Variants in ARHGAP15 observed in about 807,000 individuals in gnomAD.
ARHGAP15 encodes rho GTPase-activating protein 15.
Under a neutral mutation model 63.7 loss-of-function variants are expected in ARHGAP15, and 51 were observed. The ratio of observed to expected loss-of-function variants is 0.80; its 90% CI spans 0.64 to 1.01. ARHGAP15 has a LOEUF of 1.01. Among genes scored for constraint, ARHGAP15 ranks in the 50% least tolerant of loss-of-function variants. The probability of loss-of-function intolerance (pLI) is 0.00; values close to 1 mark genes in which losing one functional copy is unlikely to be tolerated. For missense variants in ARHGAP15, 560 were observed against 564.6 expected (o/e 0.99, Z 0.08); for synonymous variants, 191 against 193.8 (o/e 0.99, Z 0.12).
At chr2:143,599,850 A>G (rs552895614) in intron 11 of ARHGAP15, among the ~76,000 whole-genome samples, 1 of 152,262 alleles carries the variant, frequency 6.6e-6, no homozygotes, top group South Asian at 2.1e-4. Flanking sequence ...ATGAGTTTTA[A>G]ATGGCTAAAT....
intron 1 of ARHGAP15, among the ~76,000 whole-genome samples, chr2:143,151,956 A>C (rs765005423): frequency 5.3e-5 from 8 of 152,040 alleles, no homozygotes; most frequent in Non-Finnish European, 1.2e-4. Flanking sequence ...TCCATCCTCA[A>C]CTGTCCTCCT....
chr2:143,336,404 AAT>A (rs1390977450), intron 6 of ARHGAP15, among the ~76,000 whole-genome samples: 1 of 152,162 alleles, frequency 6.6e-6, no homozygotes, highest in African/African-American at 2.4e-5. Context: ...CCAGTTTAGA[AAT>A]AGTTTGGGGA....
chr2:143,680,327 A>G (rs2105369659), intron 12 of ARHGAP15, among the ~76,000 whole-genome samples: 1 of 152,376 alleles, frequency 6.6e-6, no homozygotes, highest in East Asian at 1.9e-4. Context: ...TAGCAATTTT[A>G]TACAATAATG....
intron 9 of ARHGAP15, among the ~76,000 whole-genome samples, chr2:143,515,114 G>A (rs957287837): frequency 1.5e-5 from 2 of 136,416 alleles, no homozygotes; most frequent in East Asian, 2.3e-4. Flanking sequence ...TCTGGTCTTC[G>A]TAACATCTTT....
At chr2:143,343,554 T>C (rs1685150060) in intron 6 of ARHGAP15, among the ~76,000 whole-genome samples, 1 of 152,130 alleles carries the variant, frequency 6.6e-6, no homozygotes, top group South Asian at 2.1e-4. Flanking sequence ...CCTTGAAAGA[T>C]CACTGTGTTG....
At chr2:143,171,660 A>T (rs183509028) in intron 2 of ARHGAP15, among the ~76,000 whole-genome samples, 1 of 152,250 alleles carries the variant, frequency 6.6e-6, no homozygotes, top group Non-Finnish European at 1.5e-5. Context: ...TTTGATAAAG[A>T]ATAATGCTTA....
In ARHGAP15 at chr2:143,500,519, G is replaced by C. The variant is rs529504082; in HGVS notation, c.826+13024G>C. On this transcript the variant is annotated intron_variant, in intron 9 of 13. Transcript: ENST00000295095. ...TTTGACAGTAACATTAGTGAATAGT[G>C]ATATGTATGTTCAGATGTAAGAAAA... 1.6e-4 allele frequency among the ~76,000 whole-genome samples: 25 copies of C among 152,240 alleles called. No individual in the cohort carries two copies. In the South Asian group the frequency reaches 2.7e-3, roughly 16 times the overall value.
chr2:143,224,368 A>G (rs955850699), intron 4 of ARHGAP15, among the ~76,000 whole-genome samples: 3 of 152,134 alleles, frequency 2.0e-5, no homozygotes, highest in African/African-American at 7.2e-5. Context: ...TTTTTTCTGA[A>G]ATTTGAAAGG....
At chr2:143,137,491 T>C (rs192354307) in intron 1 of ARHGAP15, among the ~76,000 whole-genome samples, 5 of 152,112 alleles carry the variant, frequency 3.3e-5, no homozygotes, top group African/African-American at 9.6e-5. Flanking sequence ...ATGTACTATA[T>C]ATATGGTACA....
chr2:143,529,179 T>A (rs1247263503), intron 10 of ARHGAP15, among the ~76,000 whole-genome samples: 5 of 152,162 alleles, frequency 3.3e-5, no homozygotes, highest in South Asian at 2.1e-4. Context: ...ATTTTATTTC[T>A]TAACTCAGCC....
At chr2:143,429,922 C>A (rs769822636) in intron 6 of ARHGAP15, among the ~76,000 whole-genome samples, 5 of 152,096 alleles carry the variant, frequency 3.3e-5, no homozygotes, top group Non-Finnish European at 5.9e-5. Flanking sequence ...TACTGCTCCC[C>A]AAAGCTGAGA....
chr2:143,407,987 G>GTATATATA (rs58194704), intron 6 of ARHGAP15, among the ~76,000 whole-genome samples: 112 of 77,340 alleles, frequency 1.4e-3, no homozygotes, highest in African/African-American at 2.6e-3. Context: ...TTCTGTGTGT[G>GTATATATA]TATATATATA....
At position 143,555,817 on chromosome 2, in the gene ARHGAP15, AATCAG is replaced by A. The variant is rs1695763114; in HGVS notation, c.926-586_926-582del. 3.9e-5 allele frequency among the ~76,000 whole-genome samples: 6 copies of A among 151,946 alleles called. No homozygotes were observed. In the Admixed American group the frequency reaches 4.0e-4, roughly 10 times the overall value. On this transcript the variant is annotated intron_variant, in intron 10 of 13. Coordinates refer to ENST00000295095, the MANE Select transcript of ARHGAP15 (RefSeq NM_018460.4). ...GAATTTTTACTCTTTAGTTTCAAATAATCAGATCAAAATATGTTATTCTGTAACAA... is the reference window on the plus strand; with the variant it reads ...GAATTTTTACTCTTTAGTTTCAAATAATCAAAATATGTTATTCTGTAACAA...
chr2:143,680,776 T>C (rs1381280450), intron 12 of ARHGAP15, among the ~76,000 whole-genome samples: 3 of 152,172 alleles, frequency 2.0e-5, no homozygotes, highest in African/African-American at 7.2e-5. Flanking sequence ...CACTAGTCAG[T>C]ATATATTTAC....
intron 12 of ARHGAP15, among the ~76,000 whole-genome samples, chr2:143,681,904 A>G (rs923256279): frequency 3.3e-5 from 5 of 152,196 alleles, no homozygotes; most frequent in African/African-American, 1.2e-4. Flanking sequence ...CAGCTACAGG[A>G]CCACCATTTT....
chr2:143,136,976 C>G (rs908472402), intron 1 of ARHGAP15, among the ~76,000 whole-genome samples: 12 of 152,068 alleles, frequency 7.9e-5, no homozygotes, highest in Non-Finnish European at 1.0e-4. Context: ...TGACTCTCCT[C>G]CCTGCTTCTA....
intron 6 of ARHGAP15, among the ~76,000 whole-genome samples, chr2:143,419,391 A>G (rs1216128057): frequency 4.6e-5 from 7 of 152,144 alleles, no homozygotes; most frequent in African/African-American, 1.4e-4. Context: ...TCTATTTCTA[A>G]CAATCTCTTC....
At chr2:143,506,716 C>T (rs1693340166) in intron 9 of ARHGAP15, among the ~76,000 whole-genome samples, 1 of 152,196 alleles carries the variant, frequency 6.6e-6, no homozygotes, top group East Asian at 1.9e-4. Context: ...ATTTGAAATA[C>T]ATGAAAGCAA....
chr2:143,163,514 C>T (rs1019811172), intron 2 of ARHGAP15, among the ~76,000 whole-genome samples: 4 of 151,730 alleles, frequency 2.6e-5, no homozygotes, highest in Non-Finnish European at 5.9e-5. Flanking sequence ...AAAATAATAA[C>T]ATATATATTT....
Sources: gnomAD v4.1 joint callset for allele counts (sites outside exome capture counted in the v4.1 genomes callset) on GRCh38, gnomAD v4.1.1 for gene constraint, MANE v1.5 for transcripts, NCBI Gene and HGNC (gene_info 2026-07-23, HGNC 2026-07-21) for gene names.